The following TNFSF11 variants were observed in gnomAD, a reference collection of about 807,000 sequenced individuals.
The protein encoded by TNFSF11 is TNF superfamily member 11.
In TNFSF11, 12 loss-of-function variants were observed where a neutral mutation model predicts 32.2. The ratio of observed to expected loss-of-function variants is 0.37; its 90% CI spans 0.24 to 0.60. The LOEUF is 0.60. TNFSF11 is among the 20% of genes least tolerant of loss of function. The probability of loss-of-function intolerance (pLI) is 0.66; values close to 1 mark genes in which losing one functional copy is unlikely to be tolerated. For missense variants in TNFSF11, 345 were observed against 398.0 expected, an observed-to-expected ratio of 0.87 and a Z score of 1.13; for synonymous variants, 172 against 152.1, an observed-to-expected ratio of 1.13 and a Z score of -0.96.
Position 42,604,341 on chromosome 13 carries a change from A to G in TNFSF11, c.533-2156A>G, listed in dbSNP as rs991008240. Among the ~76,000 whole-genome samples the G allele has an allele frequency of 3.3e-5, 5 of 152,188 alleles. No homozygotes were observed. In the South Asian group the frequency reaches 1.0e-3, roughly 32 times the overall value. On this transcript the variant is annotated intron_variant, in intron 4 of 4. Coordinates refer to ENST00000398795, the MANE Select transcript of TNFSF11 (RefSeq NM_003701.4). ...CACTTGGGGCCAGATGATGGTATTT[A>G]TATCTGGGGTGCTTTAATCTGGGAT...
chr13:42,563,587 C>T (rs1203007001), intron 1 of TNFSF11, among the ~76,000 whole-genome samples: 3 of 151,510 alleles, frequency 2.0e-5, no homozygotes, highest in Admixed American at 2.0e-4. Context: ...CACTTGAACC[C>T]AGGAGGCGGA....
At chr13:42,584,994 C>T (rs907683209) in intron 2 of TNFSF11, among the ~76,000 whole-genome samples, 1 of 152,348 alleles carries the variant, frequency 6.6e-6, no homozygotes, top group Admixed American at 6.5e-5. Flanking sequence ...TATACCTTAT[C>T]ATTAGAATCA....
At chr13:42,604,254 G>T (rs1869333119) in intron 4 of TNFSF11, among the ~76,000 whole-genome samples, 1 of 152,222 alleles carries the variant, frequency 6.6e-6, no homozygotes, top group Non-Finnish European at 1.5e-5. Flanking sequence ...CATGGATTTT[G>T]TCAATGGATT....
intron 1 of TNFSF11, among the ~76,000 whole-genome samples, chr13:42,576,646 G>C (rs1331139732): frequency 6.6e-6 from 1 of 152,026 alleles, no homozygotes; most frequent in East Asian, 1.9e-4. Flanking sequence ...ATCTCCTTCA[G>C]TAAAGAAAAA....
chr13:42,592,356 G>T (rs549120527), intron 2 of TNFSF11, among the ~76,000 whole-genome samples: 2 of 152,262 alleles, frequency 1.3e-5, no homozygotes, highest in South Asian at 4.1e-4. Context: ...TTCTTGAATG[G>T]CTCACAGAAC....
chr13:42,604,844 C>T (rs188945149), intron 4 of TNFSF11, among the ~76,000 whole-genome samples: 94 of 152,200 alleles, frequency 6.2e-4, no homozygotes, highest in East Asian at 1.9e-3. Flanking sequence ...AGTGCCGTAG[C>T]GCGATCTTGG....
At position 42,600,757 on chromosome 13, in the gene TNFSF11, A is replaced by G. The variant is rs375216189; in HGVS notation, c.393A>G (p.Leu131=). The change falls in exon 3 of 5, where the codon TTA becomes TTG. Residue 131 remains leucine, a synonymous_variant. Coordinates refer to ENST00000398795, the MANE Select transcript of TNFSF11 (RefSeq NM_003701.4). The stretch of plus-strand genomic sequence containing the variant: ...ATTTTTCCTTTTTATTTCAGGAATT[A>G]CAACATATCGTTGGATCACAGCACA... ...QAFQGAVQKE[L]QHIVGSQHIR... The G allele has an allele frequency of 3.3e-5, 53 of 1,613,638 alleles. No individual in the cohort carries two copies. The highest frequency in any genetic ancestry group is 1.3e-5 in the African/African-American group (1 of 74,922).
rs73468104 is a variant in TNFSF11 at position 42,606,174 on chromosome 13, A to G, written c.533-323A>G. On this transcript the variant is annotated intron_variant, in intron 4 of 4. Coordinates refer to ENST00000398795, the MANE Select transcript of TNFSF11 (RefSeq NM_003701.4). ...TTGTCTCTCCGTCCTTTGAGCTCCC[A>G]TGGGAGTTACTGAACCTTGCCTATT... Among the ~76,000 whole-genome samples, 931 of 152,252 alleles carry G rather than the reference A, an allele frequency of 6.1e-3. 12 individuals carry two copies. The highest frequency in any genetic ancestry group is 0.021 in the African/African-American group (877 of 41,552).
intron 2 of TNFSF11, among the ~76,000 whole-genome samples, chr13:42,599,548 A>T (rs963546572): frequency 2.6e-5 from 4 of 151,816 alleles, no homozygotes; most frequent in African/African-American, 9.7e-5. Flanking sequence ...CTTATAATAG[A>T]TATCTCTTTT....
chr13:42,582,551 T>C lies in TNFSF11; in HGVS notation c.387+1258T>C, dbSNP rs145261115. Among the ~76,000 whole-genome samples the C allele has an allele frequency of 1.6e-4, 24 of 152,372 alleles. No homozygotes were observed. In the East Asian group the frequency reaches 4.2e-3, roughly 27 times the overall value. ...TCTAGTTGTATCTTAATTCCAGAGA[T>C]ATCAAAACGTTAAAAAGTTGTGCAT... On this transcript the variant is annotated intron_variant, in intron 2 of 4. Coordinates refer to ENST00000398795, the MANE Select transcript of TNFSF11 (RefSeq NM_003701.4).
At chr13:42,564,397 G>C (rs564149816) in intron 1 of TNFSF11, among the ~76,000 whole-genome samples, 1 of 152,034 alleles carries the variant, frequency 6.6e-6, no homozygotes, top group Non-Finnish European at 1.5e-5. Context: ...GAGAAACCTC[G>C]TCTCTACTAA....
intron 2 of TNFSF11, among the ~76,000 whole-genome samples, chr13:42,567,964 T>A (rs1377019342): frequency 6.6e-6 from 1 of 152,198 alleles, no homozygotes; most frequent in African/African-American, 2.4e-5. Flanking sequence ...AGCCCCCACC[T>A]GTTACACAAG....
At chr13:42,595,476 A>G (rs1422849888) in intron 2 of TNFSF11, among the ~76,000 whole-genome samples, 1 of 152,188 alleles carries the variant, frequency 6.6e-6, no homozygotes, top group African/African-American at 2.4e-5. Context: ...GTAGATCACA[A>G]ATCCTCCTGG....
intron 1 of TNFSF11, among the ~76,000 whole-genome samples, chr13:42,575,997 C>T (rs1233299913): frequency 1.3e-5 from 2 of 152,228 alleles, no homozygotes; most frequent in Non-Finnish European, 2.9e-5. Flanking sequence ...AGTTAAGAAT[C>T]ATTTATTCAA....
chr13:42,566,922 G>A (rs1257077636), intron 2 of TNFSF11, among the ~76,000 whole-genome samples: 1 of 152,100 alleles, frequency 6.6e-6, no homozygotes, highest in African/African-American at 2.4e-5. Context: ...GAACCGGGGG[G>A]CAGAGGTTGC....
At chr13:42,574,704 G>C (rs1321453227) in intron 1 of TNFSF11, among the ~76,000 whole-genome samples, 182 bp downstream of exon 1, 1 of 152,004 alleles carries the variant, frequency 6.6e-6, no homozygotes, top group East Asian at 1.9e-4. Flanking sequence ...CAGGGCTGTC[G>C]GGCGCACCCT....
intron 4 of TNFSF11, among the ~76,000 whole-genome samples, chr13:42,605,073 G>A (rs548095837): frequency 1.3e-5 from 2 of 152,244 alleles, no homozygotes; most frequent in Admixed American, 6.5e-5. Flanking sequence ...GTGAGCCACC[G>A]TGCCCAGCCA....
At chr13:42,581,635 A>G (rs1352995793) in intron 2 of TNFSF11, among the ~76,000 whole-genome samples, 1 of 152,166 alleles carries the variant, frequency 6.6e-6, no homozygotes, top group Non-Finnish European at 1.5e-5. Flanking sequence ...CCTAAAAACC[A>G]TCCGCTCAGT....
chr13:42,566,393 G>C (rs1483469189), intron 1 of TNFSF11, among the ~76,000 whole-genome samples: 7 of 152,190 alleles, frequency 4.6e-5, no homozygotes, highest in Admixed American at 3.3e-4. Flanking sequence ...AGGAAAAGAA[G>C]GGTCAGGTAT....
Sources: gnomAD v4.1 joint callset for allele counts (sites outside exome capture counted in the v4.1 genomes callset) on GRCh38, gnomAD v4.1.1 for gene constraint, MANE v1.5 for transcripts, NCBI Gene and HGNC (gene_info 2026-07-23, HGNC 2026-07-21) for gene names.